Variants in ZBTB7C observed in about 807,000 individuals in gnomAD.
ZBTB7C encodes the protein zinc finger and BTB domain containing 7C, also known as zinc finger and BTB domain-containing protein 7C.
ZBTB7C carries 8 observed loss-of-function variants against 25.7 expected under a neutral mutation model. That is an observed-to-expected ratio of 0.31 (90% CI 0.18 to 0.56). The LOEUF (loss-of-function observed/expected upper bound fraction) is 0.56. Ranked by LOEUF, ZBTB7C falls within the 20% of genes least tolerant of loss-of-function variation. ZBTB7C has a pLI of 0.91. For synonymous variants in ZBTB7C, 394 were observed against 369.0 expected (o/e 1.07, Z -0.78); for missense variants, 824 against 855.2 (o/e 0.96, Z 0.46).
intron 3 of ZBTB7C, among the ~76,000 whole-genome samples, chr18:48,066,819 C>G (rs2037346682): frequency 6.6e-6 from 1 of 152,214 alleles, no homozygotes. Context: ...AGACCTAGCT[C>G]TGCCGGGTGT....
intron 2 of ZBTB7C, among the ~76,000 whole-genome samples, chr18:48,213,795 C>G (rs79068040): frequency 6.6e-6 from 1 of 152,134 alleles, no homozygotes; most frequent in African/African-American, 2.4e-5. Context: ...TGGGAATGGG[C>G]ACTAAGAAGA....
At chr18:48,391,312 A>G (rs1417765689) in intron 1 of ZBTB7C, among the ~76,000 whole-genome samples, 2 of 152,156 alleles carry the variant, frequency 1.3e-5, no homozygotes, top group African/African-American at 2.4e-5. Flanking sequence ...GAACTCCATG[A>G]AGTTGTCAAT....
chr18:48,305,217 T>C (rs1474676786), intron 2 of ZBTB7C, among the ~76,000 whole-genome samples: 1 of 152,212 alleles, frequency 6.6e-6, no homozygotes, highest in Non-Finnish European at 1.5e-5. Flanking sequence ...TGGGGAACAA[T>C]TTGAAATCCG....
At chr18:48,195,091 G>A (rs932194137) in intron 2 of ZBTB7C, among the ~76,000 whole-genome samples, 3 of 152,078 alleles carry the variant, frequency 2.0e-5, no homozygotes, top group African/African-American at 7.2e-5. Context: ...CTATGGTAGG[G>A]GCCCTCTTAG....
chr18:48,222,491 A>C (rs186941289), intron 2 of ZBTB7C, among the ~76,000 whole-genome samples: 88 of 151,888 alleles, frequency 5.8e-4, no homozygotes, highest in African/African-American at 2.1e-3. Flanking sequence ...AAGCGTTTCA[A>C]TTCTCTCCCT....
chr18:48,243,289 A>AAAAAAAAC (rs2043583079), intron 2 of ZBTB7C, among the ~76,000 whole-genome samples: 1 of 151,070 alleles, frequency 6.6e-6, no homozygotes. Context: ...AAAAAAAAAA[A>AAAAAAAAC]AGCTCCTAGC....
chr18:48,272,360 G>T (rs906503006), intron 2 of ZBTB7C, among the ~76,000 whole-genome samples: 1 of 152,156 alleles, frequency 6.6e-6, no homozygotes, highest in African/African-American at 2.4e-5. Context: ...TTGGCCTTTG[G>T]CCTCTGAGAC....
chr18:48,401,714 G>A (rs2048163078), intron 1 of ZBTB7C, among the ~76,000 whole-genome samples: 2 of 152,030 alleles, frequency 1.3e-5, no homozygotes. Flanking sequence ...CCATTCCCTG[G>A]CTTAGGCAGC....
chr18:48,191,190 G>A (rs1237768300), intron 2 of ZBTB7C, among the ~76,000 whole-genome samples: 1 of 152,196 alleles, frequency 6.6e-6, no homozygotes, highest in Non-Finnish European at 1.5e-5. Context: ...CCTTCCAGCA[G>A]GTGGAAGATG....
chr18:48,141,580 C>G (rs2040351834), intron 3 of ZBTB7C, among the ~76,000 whole-genome samples: 1 of 151,922 alleles, frequency 6.6e-6, no homozygotes. Context: ...GGAAAGTAAC[C>G]CATAATCTCA....
intron 3 of ZBTB7C, chr18:48,137,026 C>T (rs2040192551): frequency 2.0e-6 from 2 of 985,186 alleles, no homozygotes; most frequent in Non-Finnish European, 2.4e-6. Flanking sequence ...CCGGGGACGC[C>T]GCGCTCGTGC....
At chr18:48,216,806 G>T (rs1411004824) in intron 2 of ZBTB7C, among the ~76,000 whole-genome samples, 2 of 152,116 alleles carry the variant, frequency 1.3e-5, no homozygotes, top group South Asian at 2.1e-4. Flanking sequence ...ATCATTTGTT[G>T]TGGGTTGAAC....
chr18:48,295,518 G>A (rs2045361740), intron 2 of ZBTB7C, among the ~76,000 whole-genome samples: 1 of 152,078 alleles, frequency 6.6e-6, no homozygotes, highest in Non-Finnish European at 1.5e-5. Context: ...CAGAACGCCT[G>A]GCCTTCTAGG....
At chr18:48,289,202 A>AAAT (rs2045146252) in intron 2 of ZBTB7C, among the ~76,000 whole-genome samples, 3 of 152,186 alleles carry the variant, frequency 2.0e-5, no homozygotes, top group Non-Finnish European at 2.9e-5. Context: ...ATATCAAACT[A>AAAT]AATAATAATA....
intron 3 of ZBTB7C, chr18:48,083,817 G>A: frequency 2.0e-6 from 2 of 984,836 alleles, no homozygotes; most frequent in Non-Finnish European, 2.4e-6. Flanking sequence ...GGTTATAAAG[G>A]GCCTTATTTT....
intron 3 of ZBTB7C, chr18:48,148,773 C>A (rs1025564706): frequency 2.0e-5 from 3 of 152,140 alleles, no homozygotes; most frequent in African/African-American, 7.2e-5. Flanking sequence ...TTTAAAAAGG[C>A]CTATGTGATC....
chr18:48,041,431 T>C, intron 3 of ZBTB7C: 2 of 985,448 alleles, frequency 2.0e-6, no homozygotes, highest in Non-Finnish European at 2.4e-6. Context: ...TTTGCCAACA[T>C]GCAGTTGCAG....
intron 3 of ZBTB7C, among the ~76,000 whole-genome samples, chr18:48,080,925 A>T (rs1815700278): frequency 6.6e-6 from 1 of 151,856 alleles, no homozygotes. Context: ...TCTTTTCCCC[A>T]CTTGAGATTC....
At chr18:48,149,090 AG>A (rs1397710595) in intron 3 of ZBTB7C, 1 of 152,326 alleles carries the variant, frequency 6.6e-6, no homozygotes, top group Non-Finnish European at 1.5e-5. Flanking sequence ...AGGAGGAGGA[AG>A]GGTAGTAACA....
Sources: allele counts gnomAD v4.1 joint callset (sites outside exome capture counted in the v4.1 genomes callset), GRCh38; gene constraint gnomAD v4.1.1; transcripts MANE v1.5; gene names NCBI Gene and HGNC (gene_info 2026-07-23, HGNC 2026-07-21).